KLK9: variants seen among roughly 807,000 people sequenced by gnomAD.
The protein encoded by KLK9 is kallikrein related peptidase 9, also known as kallikrein-9.
KLK9 carries 26 observed loss-of-function variants against 23.3 expected under a neutral mutation model. That is an observed-to-expected ratio of 1.12 (90% CI 0.82 to 1.55). The LOEUF (loss-of-function observed/expected upper bound fraction) is 1.55, where lower values mean the gene tolerates loss of function less well. Among genes scored for constraint, KLK9 ranks in the 40% most tolerant of loss-of-function variants. KLK9 has a pLI of 0.00. For missense variants in KLK9, 346 were observed against 333.7 expected (o/e 1.04, Z -0.29); for synonymous variants, 122 against 128.5 (o/e 0.95, Z 0.34).
At position 51,006,548 on chromosome 19, in the gene KLK9, C is replaced by T. The variant is rs1209377702; in HGVS notation, c.376G>A (p.Ala126Thr). 2 of 1,613,288 alleles carry T rather than the reference C, an allele frequency of 1.2e-6. No individual in the cohort carries two copies. The highest frequency in any genetic ancestry group is 3.3e-5 in the Admixed American group (2 of 59,970). ...RLPRQARLSP[A>T]VQPLNLSQTC... is the part of the protein sequence containing the mutation. The stretch of plus-strand genomic sequence containing the variant: ...TGGCTGAGGTTGAGGGGCTGCACAG[C>T]AGGACTCAGACGTGCCTGCCTGGGC... The change falls in exon 3 of 5, where the codon GCT (alanine) becomes ACT (threonine). Residue 126 changes from alanine to threonine, a missense_variant. Physicochemically the swap from Ala to Thr is moderately conservative, Grantham distance 58. Transcript: ENST00000594211. This position sits in a 1 kb window ranked among gnomAD's most constrained non-coding sequence, Gnocchi z 4.1.
rs2075802 is a variant in KLK9, at chr19:51,003,764, T to G, written c.543A>C (p.Gly181=). ...ENKLCHWAYP[G]HISDSMLCAG... is the part of the protein sequence containing the mutation. ...CACAGAGCATGCTGTCCGAGATGTG[T>G]CCAGGGTATGCCCAGTGACAGAGTT... The change falls in exon 4 of 5, where the codon GGA becomes GGC. Residue 181 remains glycine, a synonymous_variant. Coordinates refer to ENST00000594211, the MANE Select transcript of KLK9 (RefSeq NM_012315.2). 736,865 of 1,611,974 alleles carry G rather than the reference T, an allele frequency of 0.46. 174,786 individuals carry two copies. The highest frequency in any genetic ancestry group is 0.76 in the African/African-American group (57,315 of 74,944).
chr19:51,003,824 T>G lies in KLK9; in HGVS notation c.483A>C (p.Thr161=), dbSNP rs1369981170. ...GGATGCTGATGTTGGCACACTGCAGTGTGACTGGAAACAGCGCTGTCAGGG... is the reference window on the plus strand; with the variant it reads ...GGATGCTGATGTTGGCACACTGCAGGGTGACTGGAAACAGCGCTGTCAGGG... ...VSSPKALFPV[T]LQCANISILE... Residue 161 remains threonine (T), a synonymous_variant, in exon 4 of 5, where the codon ACA becomes ACC. Coordinates refer to ENST00000594211, the MANE Select transcript of KLK9 (RefSeq NM_012315.2). 6.2e-7 allele frequency: 1 copy of G among 1,613,888 alleles called. No homozygotes were observed.
intron 2 of KLK9, among the ~76,000 whole-genome samples, chr19:51,008,950 C>T (rs2091265912): frequency 6.6e-6 from 1 of 152,162 alleles, no homozygotes. Flanking sequence ...TTCTGGATTT[C>T]TCTGGGTCAG....
chr19:51,004,996 G>A (rs1323151280), intron 3 of KLK9, among the ~76,000 whole-genome samples: 1 of 152,184 alleles, frequency 6.6e-6, no homozygotes, highest in Admixed American at 6.5e-5. Flanking sequence ...AGCCATTTGG[G>A]TCCATTGGAG....
chr19:51,005,289 G>T (rs771497708), intron 3 of KLK9, among the ~76,000 whole-genome samples: 1 of 152,160 alleles, frequency 6.6e-6, no homozygotes, highest in Non-Finnish European at 1.5e-5. Context: ...ACATCTCTGG[G>T]CCAGGTACAG....
At position 51,002,899 on chromosome 19, in the gene KLK9, G is replaced by T; in HGVS notation, c.*212C>A. On this transcript the variant is annotated 3_prime_UTR_variant, in exon 5 of 5. Coordinates refer to ENST00000594211, the MANE Select transcript of KLK9 (RefSeq NM_012315.2). ...CATAGAGACGGGCTCTGAAGGGCGT[G>T]TCCCTGCTCCGTTCCGAGGGGGCGC... 1.8e-6 allele frequency: 1 copy of T among 554,786 alleles called. No individual in the cohort carries two copies. The highest frequency in any genetic ancestry group is 3.0e-5 in the East Asian group (1 of 33,154). The allele number at this position is 554,786 out of a possible 1,614,324, so 34.4% of individuals were successfully genotyped here. A position where few individuals can be genotyped will look rare whatever the true frequency, so the allele number is the denominator to read the frequency against.
chr19:51,006,623 T>C lies in KLK9; in HGVS notation c.301A>G (p.Lys101Glu). The change falls in exon 3 of 5, where the codon AAG becomes GAG. Residue 101 changes from lysine (K) to glutamate (E), a missense_variant. Lys to Glu is a moderately conservative substitution (Grantham distance 56). Transcript: ENST00000594211. This position sits in a 1 kb window ranked among gnomAD's most constrained non-coding sequence, Gnocchi z 4.1. ...TDFFPHPGFNKDLSANDHNDD... is the reference protein window; with the variant it reads ...TDFFPHPGFNEDLSANDHNDD... ...TTGTGGTCATTGGCGCTGAGGTCCTTGTTGAAGCCAGGGTGGGGGAAGAAG... is the reference window on the plus strand; with the variant it reads ...TTGTGGTCATTGGCGCTGAGGTCCTCGTTGAAGCCAGGGTGGGGGAAGAAG... 6.2e-7 allele frequency: 1 copy of C among 1,613,224 alleles called. No homozygotes were observed. The highest frequency in any genetic ancestry group is 8.5e-7 in the Non-Finnish European group (1 of 1,179,446).
In KLK9 at chr19:51,009,253, T is replaced by A. The variant is rs2091267040; in HGVS notation, c.130A>T (p.Thr44Ser). ...AGGGTCGCCCCACAGAAGAGCCGAGTAAGGTGGAAGAGGCCGGCCTGCCAA... is the reference window on the plus strand; with the variant it reads ...AGGGTCGCCCCACAGAAGAGCCGAGAAAGGTGGAAGAGGCCGGCCTGCCAA... ...QPWQAGLFHLTRLFCGATLIS... is the reference protein window; with the variant it reads ...QPWQAGLFHLSRLFCGATLIS... Residue 44 changes from threonine to serine, a missense_variant, in exon 2 of 5, where the codon ACT becomes TCT. By Grantham distance (58) the Thr-to-Ser change is moderately conservative. Transcript: ENST00000594211. The surrounding 1 kb of genome is among the most constrained non-coding windows in gnomAD (Gnocchi z 4.8). 6.2e-7 allele frequency: 1 copy of A among 1,609,456 alleles called. No individual in the cohort carries two copies. The highest frequency in any genetic ancestry group is 1.1e-5 in the South Asian group (1 of 90,178).
chr19:51,003,155 C>A lies in KLK9; in HGVS notation c.709G>T (p.Val237Leu), dbSNP rs765960870. 1 of 1,612,704 alleles carries A rather than the reference C, an allele frequency of 6.2e-7. No homozygotes were observed. Among genetic ancestry groups the A allele is most frequent in the Non-Finnish European group, 8.5e-7 (1 of 1,179,684 alleles). The change falls in exon 5 of 5, where the codon GTA becomes TTA. Residue 237 changes from valine to leucine, a missense_variant. Transcript: ENST00000594211. ...TGGATCCAGTCAAGGTAGTGGCATACGCTGGTGTAGACTGCGGGGCGCCGG... is the reference window on the plus strand; with the variant it reads ...TGGATCCAGTCAAGGTAGTGGCATAAGCTGGTGTAGACTGCGGGGCGCCGG... ...RPRRPAVYTS[V>L]CHYLDWIQEI...
chr19:51,004,722 AAT>A (rs2091249277), intron 3 of KLK9, among the ~76,000 whole-genome samples: 1 of 151,718 alleles, frequency 6.6e-6, no homozygotes, highest in African/African-American at 2.4e-5. Flanking sequence ...AAAAAAAAGA[AAT>A]AGAAAAAGAC....
Position 51,006,709 on chromosome 19 carries a change from C to A in KLK9, c.215G>T (p.Arg72Leu). 6.3e-7 allele frequency: 1 copy of A among 1,590,142 alleles called. No homozygotes were observed. ...AHCRKPYLWV[R>L]LGEHHLWKWE... ...TTTCCAGAGGTGGTGCTCTCCAAGG[C>A]GGACCCACAGATACCTGCTGGGACA... The change falls in exon 3 of 5, where the codon CGC (arginine) becomes CTC (leucine). Residue 72 changes from arginine to leucine, a missense_variant. Arg to Leu is a moderately radical substitution (Grantham distance 102, BLOSUM62 -2). Transcript: ENST00000594211. This position sits in a 1 kb window ranked among gnomAD's most constrained non-coding sequence, Gnocchi z 4.1.
At chr19:51,004,833 A>G (rs2091249759) in intron 3 of KLK9, among the ~76,000 whole-genome samples, 1 of 152,234 alleles carries the variant, frequency 6.6e-6, no homozygotes, top group African/African-American at 2.4e-5. Flanking sequence ...CAGAGATACC[A>G]GATACAGTGT....
At chr19:51,004,354 A>C (rs1365211583) in intron 3 of KLK9, among the ~76,000 whole-genome samples, 8 of 77,416 alleles carry the variant, frequency 1.0e-4, no homozygotes, top group African/African-American at 4.0e-4. Context: ...AAAAAAAAAA[A>C]AAAAAAAAAA....
In KLK9 at chr19:51,003,256, T is replaced by C. The variant is rs780163464; in HGVS notation, c.608A>G (p.Asp203Gly). The C allele has an allele frequency of 5.0e-6, 8 of 1,611,608 alleles. No homozygotes were observed. In the Admixed American group the frequency reaches 1.2e-4, roughly 24 times the overall value. Residue 203 changes from aspartate (D) to glycine (G), a missense_variant, in exon 5 of 5, where the codon GAC becomes GGC. Coordinates refer to ENST00000594211, the MANE Select transcript of KLK9 (RefSeq NM_012315.2). Reference protein sequence around the residue: ...WEGGRGSCQGDSGGPLVCNGT... With the variant: ...WEGGRGSCQGGSGGPLVCNGT... Reference sequence around the variant, plus strand: ...ATTGCAAACCAGGGGGCCCCCAGAGTCACCCTGTACGCGAGAGAAGGGCAG... The same window carrying C: ...ATTGCAAACCAGGGGGCCCCCAGAGCCACCCTGTACGCGAGAGAAGGGCAG...
In KLK9 at chr19:51,006,073, G is replaced by A. The variant is rs934236749; in HGVS notation, c.466+385C>T. On this transcript the variant is annotated intron_variant, in intron 3 of 4. Transcript: ENST00000594211. This position sits in a 1 kb window ranked among gnomAD's most constrained non-coding sequence, Gnocchi z 4.1. ...CAGGAGTTCAAAGCTGCAATGAGCC[G>A]TGATCACACCGCTGCACTCCAGCCT... 2.6e-5 allele frequency among the ~76,000 whole-genome samples: 4 copies of A among 151,748 alleles called. No individual in the cohort carries two copies. In the East Asian group the frequency reaches 5.8e-4, roughly 22 times the overall value.
chr19:51,009,268 C>T lies in KLK9; in HGVS notation c.115G>A (p.Gly39Ser), dbSNP rs775351827. The T allele has an allele frequency of 6.7e-5, 108 of 1,606,964 alleles. No individual in the cohort carries two copies. Among genetic ancestry groups the T allele is most frequent in the Non-Finnish European group, 8.2e-5 (96 of 1,177,372 alleles). ...CRPNSQPWQA[G>S]LFHLTRLFCG... The stretch of plus-strand genomic sequence containing the variant: ...AAGAGCCGAGTAAGGTGGAAGAGGC[C>T]GGCCTGCCAAGGCTGGGAGTTGGGG... The change falls in exon 2 of 5, where the codon GGC becomes AGC. Residue 39 changes from glycine to serine, a missense_variant. Coordinates refer to ENST00000594211, the MANE Select transcript of KLK9 (RefSeq NM_012315.2). The surrounding 1 kb of genome is among the most constrained non-coding windows in gnomAD (Gnocchi z 4.8).
Position 51,006,389 on chromosome 19 carries a change from A to C in KLK9, c.466+69T>G. On this transcript the variant is annotated intron_variant, in intron 3 of 4. Transcript: ENST00000594211. This position sits in a 1 kb window ranked among gnomAD's most constrained non-coding sequence, Gnocchi z 4.1. ...GAGAGGAGAGAGAAAAGGAGAAGACAGAGATGAAAAGGCAGAGACAGAGGG... is the reference window on the plus strand; with the variant it reads ...GAGAGGAGAGAGAAAAGGAGAAGACCGAGATGAAAAGGCAGAGACAGAGGG... 8 of 1,383,494 alleles carry C rather than the reference A, an allele frequency of 5.8e-6. No individual in the cohort carries two copies. Among genetic ancestry groups the C allele is most frequent in the Non-Finnish European group, 7.8e-6 (8 of 1,027,338 alleles). 85.7% of individuals were successfully genotyped at this position (1,383,494 alleles called of 1,614,324 possible).
rs78215992 is a variant in KLK9, at chr19:51,003,053, C to T, written c.*58G>A. ...GAGGCTGGGACCCTACGAGAACCCC[C>T]TACCCCGTGCCCTTCGGCCTCTCTT... On this transcript the variant is annotated 3_prime_UTR_variant, in exon 5 of 5. Transcript: ENST00000594211. 2 of 1,558,394 alleles carry T rather than the reference C, an allele frequency of 1.3e-6. No homozygotes were observed. Among genetic ancestry groups the T allele is most frequent in the Admixed American group, 1.7e-5 (1 of 57,206 alleles).
rs781595948 is a variant in KLK9, at chr19:51,009,217, G to A, written c.166C>T (p.Arg56Cys). Residue 56 changes from arginine (R) to cysteine (C), a missense_variant, in exon 2 of 5, where the codon CGC (arginine) becomes TGC (cysteine). Arg to Cys is a radical substitution (Grantham distance 180). Coordinates refer to ENST00000594211, the MANE Select transcript of KLK9 (RefSeq NM_012315.2). This position sits in a 1 kb window ranked among gnomAD's most constrained non-coding sequence, Gnocchi z 4.8. ...LFCGATLISD[R>C]WLLTAAHCRK... ...CAGTGGGCAGCTGTGAGCAGCCAGC[G>A]GTCACTGATGAGGGTCGCCCCACAG... is the stretch of plus-strand genomic sequence containing the variant. The A allele has an allele frequency of 2.0e-5, 32 of 1,609,576 alleles. No individual in the cohort carries two copies. The South Asian group carries it at 2.8e-4, about 14-fold the overall frequency.
Sources: allele counts gnomAD v4.1 joint callset (sites outside exome capture counted in the v4.1 genomes callset), GRCh38; gene constraint gnomAD v4.1.1; non-coding constraint Gnocchi (gnomAD v3.1); transcripts MANE v1.5; gene names NCBI Gene and HGNC (gene_info 2026-07-23, HGNC 2026-07-21).